COL5A1: variants seen among roughly 807,000 people sequenced by gnomAD.
The protein encoded by COL5A1 is collagen alpha-1(V) chain.
A neutral mutation model predicts 263.7 loss-of-function variants in COL5A1; 16 were observed. The ratio of observed to expected loss-of-function variants is 0.06; its 90% CI spans 0.04 to 0.09. COL5A1 has a LOEUF of 0.09. Among genes scored for constraint, COL5A1 ranks in the 10% least tolerant of loss-of-function variants. The pLI is 1.00. For missense variants in COL5A1, 2,036 were observed against 2,540.5 expected (o/e 0.80, Z 4.27); for synonymous variants, 1,012 against 1,004.5 (o/e 1.01, Z -0.14).
rs577111973 is a variant in COL5A1, at chr9:134,704,846, A to G, written c.654+3513A>G. On this transcript the variant is annotated intron_variant, in intron 4 of 65. Transcript: ENST00000371817. ...GGAGGAAGTTCGGTGAGTTGGCCTC[A>G]GAGTCCCAGCCACCTTTTGTCTCAT... is the stretch of plus-strand genomic sequence containing the variant. Among the ~76,000 whole-genome samples the G allele has an allele frequency of 8.6e-5, 13 of 151,824 alleles. No individual in the cohort carries two copies. The South Asian group carries it at 2.7e-3, about 32-fold the overall frequency.
chr9:134,687,156 C>A (rs1039709620), intron 1 of COL5A1, among the ~76,000 whole-genome samples: 3 of 152,166 alleles, frequency 2.0e-5, no homozygotes, highest in Non-Finnish European at 4.4e-5. Context: ...ATGAGGATCA[C>A]CTCCATATGC....
Position 134,754,223 on chromosome 9 carries a change from C to T in COL5A1, c.1774-50C>T, listed in dbSNP as rs1450155550. On this transcript the variant is annotated intron_variant, in intron 15 of 65. Transcript: ENST00000371817. The surrounding 1 kb of genome is among the most constrained non-coding windows in gnomAD (Gnocchi z 4.3). ...ACAGGGACAAGGCTTTGCTCTTTCT[C>T]CTGAGAAAGGCGGACTCGCCACTGA... is the stretch of plus-strand genomic sequence containing the variant. 6.3e-7 allele frequency: 1 copy of T among 1,596,278 alleles called. No individual in the cohort carries two copies. Among genetic ancestry groups the T allele is most frequent in the Non-Finnish European group, 8.6e-7 (1 of 1,167,126 alleles).
chr9:134,813,680 G>C (rs1419326977), intron 48 of COL5A1, among the ~76,000 whole-genome samples: 3 of 152,242 alleles, frequency 2.0e-5, no homozygotes, highest in Non-Finnish European at 4.4e-5. Flanking sequence ...TGCCATCCTA[G>C]CCACTTACCA....
At chr9:134,644,632 C>G (rs1013760106) in intron 1 of COL5A1, among the ~76,000 whole-genome samples, 1 of 152,082 alleles carries the variant, frequency 6.6e-6, no homozygotes, top group Non-Finnish European at 1.5e-5. Flanking sequence ...TCTCCATCTT[C>G]GGATCTGCCA....
At chr9:134,711,583 G>A (rs1834043795) in intron 4 of COL5A1, among the ~76,000 whole-genome samples, 1 of 152,090 alleles carries the variant, frequency 6.6e-6, no homozygotes, top group Non-Finnish European at 1.5e-5. Flanking sequence ...CCAAGGCTCC[G>A]AGATGGAGGT....
rs939548676 is a variant in COL5A1 at position 134,794,998 on chromosome 9, C to G, written c.2701-84C>G. 28 of 1,466,058 alleles carry G rather than the reference C, an allele frequency of 1.9e-5. No homozygotes were observed. Among genetic ancestry groups the G allele is most frequent in the Middle Eastern group, 1.7e-4 (1 of 5,732 alleles). The allele number at this position is 1,466,058 out of a possible 1,614,324, so 90.8% of individuals were successfully genotyped here. On this transcript the variant is annotated intron_variant, in intron 32 of 65. Transcript: ENST00000371817. The surrounding 1 kb of genome is among the most constrained non-coding windows in gnomAD (Gnocchi z 4.3). The stretch of plus-strand genomic sequence containing the variant: ...TCCTATCCTGCTCTGAATTCACAGT[C>G]TCTCAATAACCCGGGAGACAGCTGC...
At position 134,641,894 on chromosome 9, in the gene COL5A1, G is replaced by A. The variant is rs1831299281; in HGVS notation, c.-294G>A. The A allele has an allele frequency of 2.6e-6, 1 of 390,816 alleles. No individual in the cohort carries two copies. Among genetic ancestry groups the A allele is most frequent in the Non-Finnish European group, 4.5e-6 (1 of 221,228 alleles). 24.2% of individuals were successfully genotyped at this position (390,816 alleles called of 1,614,324 possible). A position where few individuals can be genotyped will look rare whatever the true frequency, so the allele number is the denominator to read the frequency against. On this transcript the variant is annotated 5_prime_UTR_variant, in exon 1 of 66. Transcript: ENST00000371817. The stretch of plus-strand genomic sequence containing the variant: ...GTCGCGGGGCGGCGGCGGCGAGGAG[G>A]AGGCGAGAAGGAGTTGGAGGAGGAG...
chr9:134,767,370 C>T lies in COL5A1; in HGVS notation c.2232+16C>T, dbSNP rs893984051. 2 of 1,613,160 alleles carry T rather than the reference C, an allele frequency of 1.2e-6. No individual in the cohort carries two copies. The highest frequency in any genetic ancestry group is 3.3e-5 in the Admixed American group (2 of 59,994). Reference sequence around the variant, plus strand: ...AGGAGAAAAGGTAGGTGGGCCTGGGCTGTGTTGCAGGCCACTGCCCGCCTG... The same window carrying T: ...AGGAGAAAAGGTAGGTGGGCCTGGGTTGTGTTGCAGGCCACTGCCCGCCTG... On this transcript the variant is annotated intron_variant, in intron 24 of 65. Coordinates refer to ENST00000371817, the MANE Select transcript of COL5A1 (RefSeq NM_000093.5).
intron 53 of COL5A1, among the ~76,000 whole-genome samples, 184 bp downstream of exon 53, chr9:134,817,263 G>A (rs1019761194): frequency 6.6e-6 from 1 of 152,198 alleles, no homozygotes; most frequent in African/African-American, 2.4e-5. Context: ...TTGCCAGGTC[G>A]ACGCAGCTGC....
chr9:134,776,156 G>A (rs896835592), intron 27 of COL5A1, among the ~76,000 whole-genome samples: 1 of 152,152 alleles, frequency 6.6e-6, no homozygotes, highest in African/African-American at 2.4e-5. Flanking sequence ...ACCTCCCAAC[G>A]GTTGGGAGCC....
chr9:134,820,347 G>A (rs570098361), intron 58 of COL5A1, 124 bp downstream of exon 58: 277 of 757,444 alleles, frequency 3.7e-4, no homozygotes, highest in Non-Finnish European at 5.7e-4. Flanking sequence ...GGTTGAGTCC[G>A]GTCATCCTGC....
chr9:134,724,847 A>G (rs1042286849), intron 4 of COL5A1, among the ~76,000 whole-genome samples: 2 of 151,944 alleles, frequency 1.3e-5, no homozygotes, highest in Non-Finnish European at 2.9e-5. Context: ...GGATGGAGTG[A>G]AGGTTCCGAT....
At chr9:134,828,998 G>GCA (rs1212793353) in intron 63 of COL5A1, among the ~76,000 whole-genome samples, 1 of 151,598 alleles carries the variant, frequency 6.6e-6, no homozygotes, top group Non-Finnish European at 1.5e-5. Flanking sequence ...CCATGCACGC[G>GCA]CACACACACA....
chr9:134,738,769 C>T lies in COL5A1; in HGVS notation c.1455C>T (p.Thr485=), dbSNP rs777922028. The T allele has an allele frequency of 3.1e-6, 5 of 1,613,606 alleles. No homozygotes were observed. The Admixed American group carries it at 8.3e-5, about 27-fold the overall frequency. ...GPAGLPGPPG[T]MGPTGQVGDP... ...AGGGTCTTCCCGGACCTCCAGGAAC[C>T]ATGGGTCCCACTGGCCAAGTCGGGG... The change falls in exon 11 of 66, where the codon ACC becomes ACT. Residue 485 remains threonine, a synonymous_variant. Coordinates refer to ENST00000371817, the MANE Select transcript of COL5A1 (RefSeq NM_000093.5).
intron 17 of COL5A1, 28 bp downstream of exon 17, chr9:134,756,846 C>T (rs1449795565): frequency 3.7e-6 from 6 of 1,608,436 alleles, no homozygotes; most frequent in Non-Finnish European, 5.1e-6. Flanking sequence ...CTCCTGGTGC[C>T]CTGGCATCAC....
At chr9:134,774,360 G>A (rs550202084) in intron 26 of COL5A1, among the ~76,000 whole-genome samples, 1 of 152,330 alleles carries the variant, frequency 6.6e-6, no homozygotes, top group South Asian at 2.1e-4. Flanking sequence ...CTTGGGCTGG[G>A]GGCATGGGGG....
At chr9:134,790,505 C>T (rs1404733806) in intron 32 of COL5A1, among the ~76,000 whole-genome samples, 16 of 80,882 alleles carry the variant, frequency 2.0e-4, no homozygotes, top group Middle Eastern at 8.9e-3. Context: ...CACCCACCCA[C>T]CCACCCATCC....
At chr9:134,728,169 G>A (rs981178914) in intron 5 of COL5A1, among the ~76,000 whole-genome samples, 30 of 152,258 alleles carry the variant, frequency 2.0e-4, no homozygotes, top group Non-Finnish European at 3.8e-4. Flanking sequence ...GCAGGACAGA[G>A]CTCCCAGCCG....
intron 1 of COL5A1, among the ~76,000 whole-genome samples, chr9:134,643,334 T>A (rs1831366073): frequency 2.0e-5 from 3 of 152,058 alleles, no homozygotes. Context: ...TGCTGCCAGG[T>A]CAGGAGAAGT....
Sources: allele counts gnomAD v4.1 joint callset (sites outside exome capture counted in the v4.1 genomes callset), GRCh38; gene constraint gnomAD v4.1.1; non-coding constraint Gnocchi (gnomAD v3.1); transcripts MANE v1.5; gene names NCBI Gene and HGNC (gene_info 2026-07-23, HGNC 2026-07-21).